Variants in AKT3 observed in about 807,000 individuals in gnomAD.
AKT3 encodes RAC-gamma serine/threonine-protein kinase.
AKT3 carries 15 observed loss-of-function variants against 65.3 expected under a neutral mutation model. The ratio of observed to expected loss-of-function variants is 0.23; its 90% CI spans 0.15 to 0.35. The LOEUF is 0.35. Among genes scored for constraint, AKT3 ranks in the 10% least tolerant of loss-of-function variants. The pLI is 1.00. For missense variants in AKT3, 243 were observed against 576.5 expected, an observed-to-expected ratio of 0.42 and a Z score of 5.92; for synonymous variants, 206 against 183.8, an observed-to-expected ratio of 1.12 and a Z score of -0.98.
intron 8 of AKT3, among the ~76,000 whole-genome samples, chr1:243,609,334 C>CTGTG (rs72249798): frequency 0.022 from 3,318 of 148,128 alleles, 68 homozygotes; most frequent in African/African-American, 0.057. Context: ...TTTTCATTTT[C>CTGTG]TGTGTGTGTG....
chr1:243,649,165 TTA>T (rs1681074275), intron 4 of AKT3, among the ~76,000 whole-genome samples: 1 of 152,114 alleles, frequency 6.6e-6, no homozygotes, highest in African/African-American at 2.4e-5. Flanking sequence ...TTATAAAAAA[TTA>T]TGTTAATTTC....
At chr1:243,659,553 A>G (rs921329806) in intron 4 of AKT3, among the ~76,000 whole-genome samples, 2 of 152,188 alleles carry the variant, frequency 1.3e-5, no homozygotes, top group East Asian at 3.8e-4. Context: ...TGTTAATGCT[A>G]GAGTACAGAA....
chr1:243,737,216 C>T (rs1197377501), intron 2 of AKT3, among the ~76,000 whole-genome samples: 1 of 152,168 alleles, frequency 6.6e-6, no homozygotes, highest in African/African-American at 2.4e-5. Flanking sequence ...TTGGACAAGT[C>T]ACTTTATTTC....
intron 10 of AKT3, among the ~76,000 whole-genome samples, chr1:243,561,181 T>C (rs1673749560): frequency 1.3e-5 from 2 of 152,098 alleles, no homozygotes; most frequent in Admixed American, 6.6e-5. Flanking sequence ...TAACTTAACA[T>C]TGTTGAAATG....
Position 243,731,645 on chromosome 1 carries a change from A to C in AKT3, c.47-35929T>G, listed in dbSNP as rs914920197. On this transcript the variant is annotated intron_variant, in intron 2 of 13. Transcript: ENST00000673466. Reference sequence around the variant, plus strand: ...AGAAGGCACTAGAAGTGACGCACTGAAAGATCTCAGTTCATGGAATGATCA... The same window carrying C: ...AGAAGGCACTAGAAGTGACGCACTGCAAGATCTCAGTTCATGGAATGATCA... 1.4e-4 allele frequency among the ~76,000 whole-genome samples: 22 copies of C among 152,250 alleles called. 1 individual carries two copies. The highest frequency in any genetic ancestry group is 1.3e-3 in the Admixed American group (20 of 15,290).
chr1:243,736,120 C>G (rs1687830057), intron 2 of AKT3, among the ~76,000 whole-genome samples: 1 of 152,270 alleles, frequency 6.6e-6, no homozygotes, highest in Admixed American at 6.5e-5. Context: ...TAGTCAAATA[C>G]ATGGATTCAA....
At chr1:243,674,028 G>A (rs1683336257) in intron 3 of AKT3, among the ~76,000 whole-genome samples, 1 of 152,174 alleles carries the variant, frequency 6.6e-6, no homozygotes, top group Non-Finnish European at 1.5e-5. Flanking sequence ...TTAGGGGAAG[G>A]TCCATACTAT....
rs747780262 is a variant in AKT3, at chr1:243,693,242, T to TTATATATATATA, written c.172+2348_172+2349insTATATATATATA. Among the ~76,000 whole-genome samples the TTATATATATATA allele has an allele frequency of 5.2e-3, 309 of 59,962 alleles. 99 individuals carry two copies. Among genetic ancestry groups the TTATATATATATA allele is most frequent in the Non-Finnish European group, 6.4e-3 (195 of 30,526 alleles). The allele number at this position is 59,962 out of a possible 152,430, so 39.3% of individuals were successfully genotyped here. On this transcript the variant is annotated intron_variant, in intron 3 of 13. Transcript: ENST00000673466. ...ATATATCCCTTTGGTAGCTACAATT[T>TTATATATATATA]GATATATATATATATATATATATAT...
intron 13 of AKT3, among the ~76,000 whole-genome samples, chr1:243,511,271 C>T (rs139775912): frequency 2.4e-4 from 37 of 152,328 alleles, no homozygotes; most frequent in Middle Eastern, 3.4e-3. Flanking sequence ...AGCACACACA[C>T]GTCATCATAT....
intron 9 of AKT3, among the ~76,000 whole-genome samples, chr1:243,572,203 A>T (rs1574630571): frequency 6.6e-6 from 1 of 152,192 alleles, no homozygotes; most frequent in East Asian, 1.9e-4. Flanking sequence ...ACAAATGACA[A>T]CCTGTGGACT....
At chr1:243,843,700 G>A (rs536292972) in intron 1 of AKT3, 44 of 479,632 alleles carry the variant, frequency 9.2e-5, no homozygotes, top group Non-Finnish European at 1.1e-4. Context: ...TCGCCAGGCT[G>A]GAGTACAGTG....
At chr1:243,712,194 T>C (rs1299012106) in intron 2 of AKT3, among the ~76,000 whole-genome samples, 1 of 152,202 alleles carries the variant, frequency 6.6e-6, no homozygotes, top group Non-Finnish European at 1.5e-5. Context: ...CGGCCACCTA[T>C]ATAAAAGAAA....
In AKT3 at chr1:243,500,189, C is replaced by T. The variant is rs1377547557; in HGVS notation, c.*5060G>A. 1.9e-5 allele frequency: 5 copies of T among 259,634 alleles called. No homozygotes were observed. The highest frequency in any genetic ancestry group is 2.2e-5 in the Non-Finnish European group (3 of 133,846). 16.1% of individuals were successfully genotyped at this position (259,634 alleles called of 1,614,324 possible). A position where few individuals can be genotyped will look rare whatever the true frequency, so the allele number is the denominator to read the frequency against. Reference sequence around the variant, plus strand: ...AGGCCAAAGTATATTAAGGACCAAACTTTTTTTCCTGCCATTCATTTTTCT... The same window carrying T: ...AGGCCAAAGTATATTAAGGACCAAATTTTTTTTCCTGCCATTCATTTTTCT... On this transcript the variant is annotated 3_prime_UTR_variant, in exon 14 of 14. Coordinates refer to ENST00000673466, the MANE Select transcript of AKT3 (RefSeq NM_005465.7).
At chr1:243,755,381 T>A (rs1485558949) in intron 2 of AKT3, among the ~76,000 whole-genome samples, 1 of 152,022 alleles carries the variant, frequency 6.6e-6, no homozygotes, top group Non-Finnish European at 1.5e-5. Flanking sequence ...GTCTCCTTTT[T>A]AATTCTTATA....
At chr1:243,729,500 A>ATT (rs1192811882) in intron 2 of AKT3, among the ~76,000 whole-genome samples, 8 of 152,284 alleles carry the variant, frequency 5.3e-5, no homozygotes, top group Middle Eastern at 3.4e-3. Context: ...TACCTCATAG[A>ATT]TTATAAAGAG....
At chr1:243,756,293 A>G (rs937614709) in intron 2 of AKT3, among the ~76,000 whole-genome samples, 8 of 152,206 alleles carry the variant, frequency 5.3e-5, no homozygotes, top group African/African-American at 1.2e-4. Flanking sequence ...AGGGTTCTAA[A>G]TATCATTCTC....
intron 5 of AKT3, among the ~76,000 whole-genome samples, chr1:243,643,624 T>A (rs563598077): frequency 6.6e-6 from 1 of 152,306 alleles, no homozygotes; most frequent in South Asian, 2.1e-4. Context: ...CCTTTCCAAT[T>A]GAGTTTTTAA....
intron 8 of AKT3, among the ~76,000 whole-genome samples, chr1:243,587,509 G>A (rs1331121530): frequency 6.6e-6 from 1 of 152,106 alleles, no homozygotes; most frequent in Non-Finnish European, 1.5e-5. Flanking sequence ...TACTCAGGAG[G>A]CTGAGGCACA....
chr1:243,640,258 T>C (rs1374990624), intron 5 of AKT3, among the ~76,000 whole-genome samples: 2 of 152,180 alleles, frequency 1.3e-5, no homozygotes, highest in Non-Finnish European at 2.9e-5. Flanking sequence ...TTAGATTTAA[T>C]TGCATTAATA....
Sources: gnomAD v4.1 joint callset for allele counts (sites outside exome capture counted in the v4.1 genomes callset) on GRCh38, gnomAD v4.1.1 for gene constraint, MANE v1.5 for transcripts, NCBI Gene and HGNC (gene_info 2026-07-23, HGNC 2026-07-21) for gene names.